Variants in EIF2A observed in about 807,000 individuals in gnomAD.
EIF2A encodes the protein 65 kDa eukaryotic translation initiation factor 2A.
A neutral mutation model predicts 75.2 loss-of-function variants in EIF2A; 62 were observed. The ratio of observed to expected loss-of-function variants is 0.82; its 90% CI spans 0.67 to 1.02. EIF2A has a LOEUF of 1.02. EIF2A is among the 50% of genes least tolerant of loss of function. The pLI, the probability that EIF2A is intolerant of heterozygous loss-of-function variation, is 0.00. For synonymous variants in EIF2A, 207 were observed against 239.0 expected, an observed-to-expected ratio of 0.87 and a Z score of 1.23; for missense variants, 611 against 677.7, an observed-to-expected ratio of 0.90 and a Z score of 1.09.
chr3:150,579,647 G>A (rs1435411592), intron 11 of EIF2A, among the ~76,000 whole-genome samples: 2 of 151,528 alleles, frequency 1.3e-5, no homozygotes, highest in African/African-American at 4.8e-5. Flanking sequence ...CCCGGGAGGT[G>A]GAGGTTGCAA....
intron 2 of EIF2A, among the ~76,000 whole-genome samples, chr3:150,553,782 T>A (rs1430557373): frequency 2.0e-5 from 3 of 152,188 alleles, no homozygotes; most frequent in African/African-American, 7.2e-5. Flanking sequence ...AAATTAATTG[T>A]ATTAATGTTG....
In EIF2A at chr3:150,571,940, T is replaced by G. The variant is rs1724547832; in HGVS notation, c.812-18T>G. 3 of 1,587,182 alleles carry G rather than the reference T, an allele frequency of 1.9e-6. No homozygotes were observed. The highest frequency in any genetic ancestry group is 2.2e-5 in the East Asian group (1 of 44,698). On this transcript the variant is annotated intron_variant, in intron 9 of 13. Coordinates refer to ENST00000460851, the MANE Select transcript of EIF2A (RefSeq NM_032025.5). ...ATAGTTCTTTATTGCTAATTTGGGC[T>G]TTATATTCTTTTTCTAGCAAAAAAT...
intron 11 of EIF2A, 97 bp downstream of exon 11, chr3:150,575,859 C>G (rs146895376): frequency 1.0e-5 from 10 of 978,478 alleles, no homozygotes; most frequent in Non-Finnish European, 1.5e-5. Context: ...GAGGCTGAGG[C>G]GAGTGGATCA....
At position 150,576,949 on chromosome 3, in the gene EIF2A, G is replaced by A. The variant is rs183381695; in HGVS notation, c.1497+1187G>A. Among the ~76,000 whole-genome samples, 6 of 152,314 alleles carry A rather than the reference G, an allele frequency of 3.9e-5. No homozygotes were observed. The East Asian group carries it at 9.6e-4, about 24-fold the overall frequency. On this transcript the variant is annotated intron_variant, in intron 11 of 13. Transcript: ENST00000460851. ...GGGCTGGGGATGTCTGGTTAGTGAA[G>A]TTATGGTGATCACATTTTTGCAATT...
rs943816753 is a variant in EIF2A at position 150,585,636 on chromosome 3, G to C, written c.*1725G>C. 4 of 152,146 alleles carry C rather than the reference G, an allele frequency of 2.6e-5. No individual in the cohort carries two copies. The highest frequency in any genetic ancestry group is 5.9e-5 in the Non-Finnish European group (4 of 68,034). The allele number at this position is 152,146 out of a possible 1,614,324, so 9.4% of individuals were successfully genotyped here. The stretch of plus-strand genomic sequence containing the variant: ...GGAAAACCCTGACTAATACAGATTA[G>C]CTATGTATTAGGTAATACATAATGC... On this transcript the variant is annotated 3_prime_UTR_variant, in exon 14 of 14. Transcript: ENST00000460851.
At chr3:150,573,066 T>C (rs1724635146) in intron 10 of EIF2A, among the ~76,000 whole-genome samples, 1 of 152,180 alleles carries the variant, frequency 6.6e-6, no homozygotes, top group Non-Finnish European at 1.5e-5. Flanking sequence ...ATTTTTCCTA[T>C]TTCTGTATTG....
chr3:150,554,556 G>A lies in EIF2A; in HGVS notation c.98+2131G>A, dbSNP rs921597304. On this transcript the variant is annotated intron_variant, in intron 2 of 13. Transcript: ENST00000460851. ...TTGCAGCTCTCTTTCCAAATGTTCG[G>A]ATTCATTAGATCAGCGGTAGGGCCC... is the stretch of plus-strand genomic sequence containing the variant. 1.3e-4 allele frequency among the ~76,000 whole-genome samples: 20 copies of A among 152,282 alleles called. No homozygotes were observed. In the South Asian group the frequency reaches 1.9e-3, roughly 14 times the overall value.
At chr3:150,564,095 AGGTGTG>A (rs1724032727) in intron 5 of EIF2A, among the ~76,000 whole-genome samples, 198 bp from the exon 6 acceptor site, 1 of 152,188 alleles carries the variant, frequency 6.6e-6, no homozygotes, top group African/African-American at 2.4e-5. Context: ...CTGGGATTGC[AGGTGTG>A]AGCCACCGCA....
intron 9 of EIF2A, among the ~76,000 whole-genome samples, chr3:150,569,206 C>A (rs1724363319): frequency 6.6e-6 from 1 of 152,036 alleles, no homozygotes; most frequent in Admixed American, 6.6e-5. Flanking sequence ...ATCATCTCTG[C>A]TCATGTAGAT....
chr3:150,568,073 CTTTG>C (rs759413577), intron 8 of EIF2A, 27 bp downstream of exon 8: 11 of 1,601,560 alleles, frequency 6.9e-6, no homozygotes, highest in Admixed American at 5.2e-5. Context: ...TTATCCCTCC[CTTTG>C]TTTATCAGTT....
chr3:150,572,855 C>CAAAAA (rs774758560), intron 10 of EIF2A, among the ~76,000 whole-genome samples: 1 of 102,004 alleles, frequency 9.8e-6, no homozygotes, highest in Non-Finnish European at 2.0e-5. Flanking sequence ...GACTCCGTCT[C>CAAAAA]AAAAAAAAAA....
chr3:150,548,045 T>A (rs183484656), intron 1 of EIF2A, among the ~76,000 whole-genome samples: 1 of 152,350 alleles, frequency 6.6e-6, no homozygotes, highest in East Asian at 1.9e-4. Context: ...CCTCTCTGCT[T>A]ACAGGGTAGA....
intron 1 of EIF2A, 178 bp downstream of exon 1, chr3:150,547,008 C>T: frequency 1.4e-6 from 1 of 726,852 alleles, no homozygotes. Flanking sequence ...GAAGTCTCCG[C>T]CTCTGGGCTT....
rs1348127546 is a variant in EIF2A, at chr3:150,585,757, T to A, written c.*1846T>A. On this transcript the variant is annotated 3_prime_UTR_variant, in exon 14 of 14. Transcript: ENST00000460851. Reference sequence around the variant, plus strand: ...AGCCCTAACCTCCAACGTGGTGGTATTGGGAGATGGGCCTTTTGGAAGGTA... The same window carrying A: ...AGCCCTAACCTCCAACGTGGTGGTAATGGGAGATGGGCCTTTTGGAAGGTA... Among the ~76,000 whole-genome samples the A allele has an allele frequency of 3.3e-5, 5 of 152,142 alleles. No homozygotes were observed. The highest frequency in any genetic ancestry group is 4.8e-5 in the African/African-American group (2 of 41,432).
chr3:150,572,741 G>A (rs533129935), intron 10 of EIF2A, among the ~76,000 whole-genome samples: 2 of 151,730 alleles, frequency 1.3e-5, no homozygotes, highest in South Asian at 2.1e-4. Flanking sequence ...CCGTAGTCCC[G>A]GCTACTCGGG....
At chr3:150,565,007 T>C (rs547014169) in intron 6 of EIF2A, 4 of 295,970 alleles carry the variant, frequency 1.4e-5, no homozygotes, top group Admixed American at 4.5e-5. Context: ...TTGTGGTTGA[T>C]TGATATATCT....
intron 1 of EIF2A, among the ~76,000 whole-genome samples, chr3:150,550,586 G>T (rs1198491542): frequency 1.3e-5 from 2 of 152,160 alleles, no homozygotes; most frequent in Non-Finnish European, 2.9e-5. Context: ...GTGGCTTACA[G>T]CTGTAATCCC....
At chr3:150,551,808 C>T (rs918677219) in intron 1 of EIF2A, among the ~76,000 whole-genome samples, 1 of 152,050 alleles carries the variant, frequency 6.6e-6, no homozygotes, top group African/African-American at 2.4e-5. Context: ...ACTTTGTTTC[C>T]ACTTAATTTT....
chr3:150,582,942 C>A (rs937544444), intron 12 of EIF2A, among the ~76,000 whole-genome samples: 2 of 152,170 alleles, frequency 1.3e-5, no homozygotes, highest in Non-Finnish European at 2.9e-5. Context: ...ATTACTGATA[C>A]ATTTATATAT....
Sources: gnomAD v4.1 joint callset for allele counts (sites outside exome capture counted in the v4.1 genomes callset) on GRCh38, gnomAD v4.1.1 for gene constraint, MANE v1.5 for transcripts, NCBI Gene and HGNC (gene_info 2026-07-23, HGNC 2026-07-21) for gene names.